The following CUX1 variants were observed in gnomAD, a reference collection of about 807,000 sequenced individuals.
CUX1 encodes the protein protein CASP.
Under a neutral mutation model 158.8 loss-of-function variants are expected in CUX1, and 31 were observed. The ratio of observed to expected loss-of-function variants is 0.20; its 90% CI spans 0.15 to 0.26. The LOEUF (loss-of-function observed/expected upper bound fraction) is 0.26, where lower values mean the gene tolerates loss of function less well. Among genes scored for constraint, CUX1 ranks in the 10% least tolerant of loss-of-function variants. The probability of loss-of-function intolerance (pLI) is 1.00; values close to 1 mark genes in which losing one functional copy is unlikely to be tolerated. For missense variants in CUX1, 1,589 were observed against 2,014.6 expected (o/e 0.79, Z 4.04); for synonymous variants, 879 against 862.1 (o/e 1.02, Z -0.34).
At chr7:102,101,391 C>T (rs888171036) in intron 5 of CUX1, among the ~76,000 whole-genome samples, 5 of 152,126 alleles carry the variant, frequency 3.3e-5, no homozygotes, top group South Asian at 4.1e-4. Flanking sequence ...AGCATCTGCC[C>T]GGGATACAGC....
chr7:102,121,002 G>A (rs1399221907), intron 8 of CUX1, among the ~76,000 whole-genome samples: 19 of 152,144 alleles, frequency 1.2e-4, no homozygotes, highest in African/African-American at 4.3e-4. Context: ...GTTCCAGCCT[G>A]TAGTAAGCTA....
chr7:102,111,943 G>A, intron 7 of CUX1, 169 bp downstream of exon 7: 1 of 591,566 alleles, frequency 1.7e-6, no homozygotes, highest in South Asian at 2.0e-5. Context: ...CAGCTGCTGC[G>A]CCTCATTCCT....
chr7:102,223,631 A>C (rs1798051739), intron 20 of CUX1, among the ~76,000 whole-genome samples: 1 of 152,162 alleles, frequency 6.6e-6, no homozygotes, highest in Admixed American at 6.5e-5. Context: ...TTCTGAAACA[A>C]CAAGGCTTTG....
chr7:102,110,864 T>C (rs931897041), intron 6 of CUX1, among the ~76,000 whole-genome samples: 3 of 152,168 alleles, frequency 2.0e-5, no homozygotes, highest in Non-Finnish European at 4.4e-5. Context: ...GGAGCGGAAA[T>C]GAGCCAAGGA....
chr7:101,832,560 C>T (rs977654525), intron 1 of CUX1, among the ~76,000 whole-genome samples: 1 of 152,188 alleles, frequency 6.6e-6, no homozygotes, highest in Non-Finnish European at 1.5e-5. Context: ...GGACGTGACT[C>T]ACGCGGGGAG....
chr7:102,043,323 C>CTGTGTGTG (rs57276921), intron 3 of CUX1, among the ~76,000 whole-genome samples: 10,603 of 139,020 alleles, frequency 0.076, 504 homozygotes, highest in Non-Finnish European at 0.099. Flanking sequence ...CATTAGCTCA[C>CTGTGTGTG]TGTGTGTGTG....
chr7:102,211,128 C>G lies in CUX1; in HGVS notation c.3130+5958C>G, dbSNP rs541478845. Among the ~76,000 whole-genome samples, 2 of 152,244 alleles carry G rather than the reference C, an allele frequency of 1.3e-5. 1 individual carries two copies. Among genetic ancestry groups the G allele is most frequent in the African/African-American group, 4.8e-5 (2 of 41,546 alleles). On this transcript the variant is annotated intron_variant, in intron 20 of 23. Coordinates refer to ENST00000292535, the MANE Select transcript of CUX1 (RefSeq NM_181552.4). ...AGGGACAGGAGAGGCTGATTGCACCCCTGGGCATTCCACAGCACTGTCTAA... is the reference window on the plus strand; with the variant it reads ...AGGGACAGGAGAGGCTGATTGCACCGCTGGGCATTCCACAGCACTGTCTAA...
intron 1 of CUX1, among the ~76,000 whole-genome samples, chr7:101,844,325 T>C (rs527365314): frequency 7.9e-5 from 12 of 152,146 alleles, no homozygotes; most frequent in Non-Finnish European, 1.5e-4. Flanking sequence ...TTTTAAATGA[T>C]AGTGCATTTA....
At position 102,257,524 on chromosome 7, in the gene CUX1, G is replaced by A; in HGVS notation, c.*8482G>A. On this transcript the variant is annotated 3_prime_UTR_variant, in exon 24 of 24. Coordinates refer to ENST00000292535, the MANE Select transcript of CUX1 (RefSeq NM_181552.4). ...AAAATAAAAGTGGGGGTAAAAAGAA[G>A]GTGGTTTTCCCCACATCCCTTTGCA... 1.0e-6 allele frequency: 1 copy of A among 985,336 alleles called. No individual in the cohort carries two copies. Among genetic ancestry groups the A allele is most frequent in the Non-Finnish European group, 1.2e-6 (1 of 829,920 alleles). 61.0% of individuals were successfully genotyped at this position (985,336 alleles called of 1,614,324 possible).
At chr7:102,163,652 T>C (rs1199191466) in intron 9 of CUX1, among the ~76,000 whole-genome samples, 2 of 152,024 alleles carry the variant, frequency 1.3e-5, no homozygotes, top group Non-Finnish European at 2.9e-5. Flanking sequence ...GGGAGGCTAT[T>C]GTGTAAGTAT....
intron 2 of CUX1, among the ~76,000 whole-genome samples, chr7:101,926,354 G>A (rs1805590276): frequency 6.6e-6 from 1 of 152,140 alleles, no homozygotes. Context: ...GGTGCCTTGA[G>A]TGGGACCAGT....
intron 20 of CUX1, among the ~76,000 whole-genome samples, chr7:102,206,459 G>A (rs1554521219): frequency 6.6e-6 from 1 of 152,182 alleles, no homozygotes; most frequent in African/African-American, 2.4e-5. Context: ...GTTTGTGCTG[G>A]AGTTTTACGG....
chr7:102,228,244 A>G (rs1301730621), intron 21 of CUX1, among the ~76,000 whole-genome samples: 1 of 151,666 alleles, frequency 6.6e-6, no homozygotes, highest in Non-Finnish European at 1.5e-5. Flanking sequence ...CAAGCCAGGC[A>G]TGAGCCATCG....
At chr7:102,126,076 C>A (rs988129036) in intron 8 of CUX1, among the ~76,000 whole-genome samples, 1 of 151,760 alleles carries the variant, frequency 6.6e-6, no homozygotes, top group Non-Finnish European at 1.5e-5. Context: ...TACAGTGGTG[C>A]GATCTCAGCT....
chr7:102,123,608 C>CA (rs1248618884), intron 8 of CUX1, among the ~76,000 whole-genome samples: 4,202 of 88,466 alleles, frequency 0.047, 122 homozygotes, highest in Admixed American at 0.12. Context: ...GACTCCGTCT[C>CA]AAAAAAAAAA....
In CUX1 at chr7:102,201,306, C is replaced by T. The variant is rs1184085720; in HGVS notation, c.2063-54C>T. On this transcript the variant is annotated intron_variant, in intron 17 of 23. Coordinates refer to ENST00000292535, the MANE Select transcript of CUX1 (RefSeq NM_181552.4). This position sits in a 1 kb window ranked among gnomAD's most constrained non-coding sequence, Gnocchi z 5.0. ...GGTCAAGTTAGGATGAGAAGCATGT[C>T]CCCAGCTGAAGGGGGCCGCCCTGCC... 6.3e-7 allele frequency: 1 copy of T among 1,577,872 alleles called. No homozygotes were observed. Among genetic ancestry groups the T allele is most frequent in the South Asian group, 1.2e-5 (1 of 84,698 alleles).
chr7:102,092,927 A>G (rs1443466076), intron 4 of CUX1, among the ~76,000 whole-genome samples: 4 of 109,654 alleles, frequency 3.6e-5, no homozygotes, highest in Non-Finnish European at 3.8e-5. Context: ...AAAAAAAAAA[A>G]AAAAAGAAAG....
chr7:102,186,480 G>A (rs1656389898), intron 11 of CUX1, among the ~76,000 whole-genome samples: 2 of 152,070 alleles, frequency 1.3e-5, no homozygotes, highest in Admixed American at 6.6e-5. Context: ...AAATACAGTC[G>A]TGTGTCACTT....
intron 10 of CUX1, among the ~76,000 whole-genome samples, chr7:102,176,278 C>T (rs1387480122): frequency 6.6e-6 from 1 of 152,188 alleles, no homozygotes; most frequent in Non-Finnish European, 1.5e-5. Flanking sequence ...GTGGTGAGCA[C>T]ACGGTGCATG....
Sources: allele counts gnomAD v4.1 joint callset (sites outside exome capture counted in the v4.1 genomes callset), GRCh38; gene constraint gnomAD v4.1.1; non-coding constraint Gnocchi (gnomAD v3.1); transcripts MANE v1.5; gene names NCBI Gene and HGNC (gene_info 2026-07-23, HGNC 2026-07-21).